ODAD1: variants seen among roughly 807,000 people sequenced by gnomAD.
ODAD1 encodes the protein outer dynein arm docking complex subunit 1, also known as outer dynein arm-docking complex subunit 1.
ODAD1 carries 49 observed loss-of-function variants against 67.2 expected under a neutral mutation model. The ratio of observed to expected loss-of-function variants is 0.73; its 90% CI spans 0.58 to 0.92. ODAD1 has a LOEUF of 0.92. ODAD1 is among the 40% of genes least tolerant of loss of function. ODAD1 has a pLI of 0.00. For synonymous variants in ODAD1, 345 were observed against 393.7 expected (o/e 0.88, Z 1.46); for missense variants, 897 against 953.7 (o/e 0.94, Z 0.78).
At position 48,304,046 on chromosome 19, in the gene ODAD1, TCTGCCGCTGCAGGAC is replaced by T; in HGVS notation, c.745_759del (p.Val249_Gln253del). On this transcript the variant is annotated inframe_deletion, in exon 9 of 16. Transcript: ENST00000674294. ...TGGTGCAGCTGCTCCAGGTGCAAGA[TCTGCCGCTGCAGGAC>T]CTGCGCCTCCATCTCGCTCTGGGCC... The T allele has an allele frequency of 6.2e-7, 1 of 1,614,188 alleles. No individual in the cohort carries two copies. The highest frequency in any genetic ancestry group is 8.5e-7 in the Non-Finnish European group (1 of 1,180,028).
chr19:48,321,545 G>A (rs1407300228), intron 1 of ODAD1, 133 bp downstream of exon 1: 1 of 330,666 alleles, frequency 3.0e-6, no homozygotes, highest in Non-Finnish European at 5.5e-6. Context: ...CGAGGGTCGC[G>A]TTTGGAAGGC....
chr19:48,306,406 C>T, intron 7 of ODAD1, 83 bp from the exon 8 acceptor site: 1 of 1,173,552 alleles, frequency 8.5e-7, no homozygotes, highest in African/African-American at 1.5e-5. Flanking sequence ...CGTGCTTCTC[C>T]AATAAGGAGT....
chr19:48,304,144 C>T lies in ODAD1; in HGVS notation c.666-4G>A, dbSNP rs56177753. On this transcript the variant is annotated splice_polypyrimidine_tract_variant and splice_region_variant and intron_variant, in intron 8 of 15. Coordinates refer to ENST00000674294, the MANE Select transcript of ODAD1 (RefSeq NM_001364171.2). ...CATCTTGGCCTTCGCCTCCTCCCTG[C>T]GGGGGTCAGCCGGGGTCAGGATGAC... 422,811 of 1,596,794 alleles carry T rather than the reference C, an allele frequency of 0.26. 58,330 individuals are homozygous for T. The highest frequency in any genetic ancestry group is 0.29 in the Non-Finnish European group (339,440 of 1,171,336).
At chr19:48,312,578 A>G (rs1425307600) in intron 5 of ODAD1, among the ~76,000 whole-genome samples, 1 of 151,334 alleles carries the variant, frequency 6.6e-6, no homozygotes, top group Non-Finnish European at 1.5e-5. Context: ...CACCACACCC[A>G]GCTAATTTTT....
rs960824603 is a variant in ODAD1 at position 48,297,265 on chromosome 19, T to C, written c.1835A>G (p.His612Arg). 1 of 1,614,016 alleles carries C rather than the reference T, an allele frequency of 6.2e-7. No homozygotes were observed. The highest frequency in any genetic ancestry group is 8.5e-7 in the Non-Finnish European group (1 of 1,180,002). Residue 612 changes from histidine to arginine, a missense_variant, in exon 16 of 16, where the codon CAC becomes CGC. Physicochemically the swap from His to Arg is conservative, Grantham distance 29. Transcript: ENST00000674294. ...AGTGTTGGGGTCACCGTGCGTGATG[T>C]GGCTGGGCAAATGCCCAGTGCTGGA... Reference protein sequence around the residue: ...LSSSTGHLPSHITHGDPNTGH... With the variant: ...LSSSTGHLPSRITHGDPNTGH...
At chr19:48,307,822 CAAA>C (rs71181675) in intron 7 of ODAD1, among the ~76,000 whole-genome samples, 5 of 99,902 alleles carry the variant, frequency 5.0e-5, no homozygotes, top group Non-Finnish European at 2.0e-5. Flanking sequence ...GACTCCGTCT[CAAA>C]AAAAAAAAAA....
intron 14 of ODAD1, 122 bp downstream of exon 14, chr19:48,297,878 C>T (rs2147308819): frequency 4.7e-6 from 4 of 844,042 alleles, no homozygotes; most frequent in East Asian, 5.4e-5. Flanking sequence ...CATATTCTAA[C>T]CCCCCAGGGC....
At chr19:48,303,245 G>C in intron 10 of ODAD1, 150 bp from the exon 11 acceptor site, 1 of 673,454 alleles carries the variant, frequency 1.5e-6, no homozygotes, top group Non-Finnish European at 2.7e-6. Context: ...GAACAGAGAG[G>C]AGTCACAGAG....
Position 48,304,097 on chromosome 19 carries a change from C to T in ODAD1, c.709G>A (p.Glu237Lys), listed in dbSNP as rs1968543674. Residue 237 changes from glutamate (E) to lysine (K), a missense_variant, in exon 9 of 16, where the codon GAG (glutamate) becomes AAG (lysine). Physicochemically the swap from Glu to Lys is moderately conservative, Grantham distance 56. Transcript: ENST00000674294. ...ATCTCGCTCTGGGCCTCCTCTTTCT[C>T]CGCGCGCTCCCGCAGCAAGCCCATC... Reference protein sequence around the residue: ...AKMGLLRERAEKEEAQSEMEA... With the variant: ...AKMGLLRERAKKEEAQSEMEA... 1 of 1,613,584 alleles carries T rather than the reference C, an allele frequency of 6.2e-7. No individual in the cohort carries two copies. Among genetic ancestry groups the T allele is most frequent in the Non-Finnish European group, 8.5e-7 (1 of 1,179,766 alleles).
intron 3 of ODAD1, 39 bp from the exon 4 acceptor site, chr19:48,318,851 T>C (rs921638194): frequency 1.5e-6 from 2 of 1,333,884 alleles, no homozygotes; most frequent in Non-Finnish European, 2.1e-6. Context: ...GCAGGGATCC[T>C]GGCCACCAGC....
At position 48,296,901 on chromosome 19, in the gene ODAD1, A is replaced by C; in HGVS notation, c.*75T>G. ...AGAAAAAGACAGAGACCCACAAGGCAAACAGGGGAAGTAGAGACACAAAAA... is the reference window on the plus strand; with the variant it reads ...AGAAAAAGACAGAGACCCACAAGGCCAACAGGGGAAGTAGAGACACAAAAA... On this transcript the variant is annotated 3_prime_UTR_variant, in exon 16 of 16. Coordinates refer to ENST00000674294, the MANE Select transcript of ODAD1 (RefSeq NM_001364171.2). 1 of 1,460,362 alleles carries C rather than the reference A, an allele frequency of 6.8e-7. No homozygotes were observed. Among genetic ancestry groups the C allele is most frequent in the Non-Finnish European group, 9.0e-7 (1 of 1,113,360 alleles). The allele number at this position is 1,460,362 out of a possible 1,614,324, so 90.5% of individuals were successfully genotyped here.
In ODAD1 at chr19:48,297,143, C is replaced by G. The variant is rs780679601; in HGVS notation, c.1957G>C (p.Val653Leu). The G allele has an allele frequency of 1.2e-6, 2 of 1,614,026 alleles. No individual in the cohort carries two copies. Among genetic ancestry groups the G allele is most frequent in the African/African-American group, 1.3e-5 (1 of 74,944 alleles). Residue 653 changes from valine to leucine, a missense_variant, in exon 16 of 16, where the codon GTG becomes CTG. By Grantham distance (32) the Val-to-Leu change is conservative (BLOSUM62 1). Transcript: ENST00000674294. ...TTTTCTCCGCCCCTGCTGGACCCCA[C>G]GTATCCAGTGGAGCCCAGGTAGCTG... is the stretch of plus-strand genomic sequence containing the variant. ...ASSYLGSTGY[V>L]GSSRGGENTE...
chr19:48,321,812 A>C lies in ODAD1; in HGVS notation c.-198T>G. 5.0e-6 allele frequency: 2 copies of C among 398,632 alleles called. No individual in the cohort carries two copies. The highest frequency in any genetic ancestry group is 2.5e-4 in the South Asian group (2 of 7,876). 24.7% of individuals were successfully genotyped at this position (398,632 alleles called of 1,614,324 possible). On this transcript the variant is annotated 5_prime_UTR_variant, in exon 1 of 16. Transcript: ENST00000674294. ...AGCTGACTGTGACCACGTTAAATTA[A>C]GGATTCATAGGAAGGAAGGCGGTGT... is the stretch of plus-strand genomic sequence containing the variant.
rs1207727058 is a variant in ODAD1, at chr19:48,296,880, A to G, written c.*96T>C. The G allele has an allele frequency of 8.3e-6, 12 of 1,440,500 alleles. No individual in the cohort carries two copies. Among genetic ancestry groups the G allele is most frequent in the Non-Finnish European group, 1.1e-5 (12 of 1,103,372 alleles). 89.2% of individuals were successfully genotyped at this position (1,440,500 alleles called of 1,614,324 possible). ...AGACAGAGGCCTGCCACTGGGAGAA[A>G]AAGACAGAGACCCACAAGGCAAACA... is the stretch of plus-strand genomic sequence containing the variant. On this transcript the variant is annotated 3_prime_UTR_variant, in exon 16 of 16. Coordinates refer to ENST00000674294, the MANE Select transcript of ODAD1 (RefSeq NM_001364171.2).
In ODAD1 at chr19:48,320,050, T is replaced by C. The variant is rs1392547727; in HGVS notation, c.70+249A>G. ...AAACACCCTTCCTTCCTTCTCCCCT[T>C]GGCAATTCCTACAGGGAGTTCTGGG... On this transcript the variant is annotated intron_variant, in intron 3 of 15. Coordinates refer to ENST00000674294, the MANE Select transcript of ODAD1 (RefSeq NM_001364171.2). 3.8e-6 allele frequency: 4 copies of C among 1,057,704 alleles called. No homozygotes were observed. In the African/African-American group the frequency reaches 6.7e-5, roughly 18 times the overall value. 65.5% of individuals were successfully genotyped at this position (1,057,704 alleles called of 1,614,324 possible).
At chr19:48,319,307 C>CAACCCT (rs1201100173) in intron 3 of ODAD1, 1 of 317,722 alleles carries the variant, frequency 3.1e-6, no homozygotes, top group Non-Finnish European at 4.6e-6. Flanking sequence ...CACCCACAGC[C>CAACCCT]AACCCTACCC....
intron 7 of ODAD1, among the ~76,000 whole-genome samples, chr19:48,306,986 C>T (rs1338823845): frequency 6.6e-6 from 1 of 151,858 alleles, no homozygotes; most frequent in Non-Finnish European, 1.5e-5. Context: ...AGTTTGAGAC[C>T]AGCCTGACCA....
intron 10 of ODAD1, 114 bp downstream of exon 10, chr19:48,303,536 T>C: frequency 1.5e-6 from 2 of 1,332,804 alleles, no homozygotes; most frequent in South Asian, 2.6e-5. Context: ...TGACGCCTTG[T>C]TCCTCCAGCA....
At chr19:48,317,210 G>GTA (rs35611945) in intron 5 of ODAD1, among the ~76,000 whole-genome samples, 8,238 of 148,142 alleles carry the variant, frequency 0.056, 653 homozygotes, top group African/African-American at 0.18. Flanking sequence ...ATTAAAAAAT[G>GTA]TATATATATA....
Sources: allele counts gnomAD v4.1 joint callset (sites outside exome capture counted in the v4.1 genomes callset), GRCh38; gene constraint gnomAD v4.1.1; transcripts MANE v1.5; gene names NCBI Gene and HGNC (gene_info 2026-07-23, HGNC 2026-07-21).